Variants in RALYL observed in about 807,000 individuals in gnomAD.
The protein encoded by RALYL is RALY RNA binding protein like.
A neutral mutation model predicts 35.1 loss-of-function variants in RALYL; 29 were observed. The ratio of observed to expected loss-of-function variants is 0.83; its 90% CI spans 0.61 to 1.13. The LOEUF is 1.13. Among genes scored for constraint, RALYL ranks in the 50% most tolerant of loss-of-function variants. The pLI is 0.00. For synonymous variants in RALYL, 120 were observed against 127.6 expected, an observed-to-expected ratio of 0.94 and a Z score of 0.40; for missense variants, 359 against 360.4, an observed-to-expected ratio of 1.00 and a Z score of 0.03.
intron 1 of RALYL, among the ~76,000 whole-genome samples, chr8:84,208,248 A>G (rs1818554554): frequency 6.6e-6 from 1 of 152,208 alleles, no homozygotes; most frequent in African/African-American, 2.4e-5. Flanking sequence ...TAGCACAGAA[A>G]CAAAAATTTT....
chr8:84,515,471 A>G lies in RALYL; in HGVS notation c.-23-13828A>G, dbSNP rs371198499. On this transcript the variant is annotated intron_variant, in intron 1 of 8. Coordinates refer to ENST00000521268, the MANE Select transcript of RALYL (RefSeq NM_173848.7). The stretch of plus-strand genomic sequence containing the variant: ...TATTCCTTTCAATGTGGTTCCTAAA[A>G]TTTGTGAAAAGGCTTAAAATAACAC... Among the ~76,000 whole-genome samples the G allele has an allele frequency of 6.6e-5, 10 of 152,290 alleles. No individual in the cohort carries two copies. In the East Asian group the frequency reaches 1.4e-3, roughly 21 times the overall value.
At chr8:84,299,949 C>CAA (rs1454161866) in intron 1 of RALYL, among the ~76,000 whole-genome samples, 1 of 151,870 alleles carries the variant, frequency 6.6e-6, no homozygotes, top group Non-Finnish European at 1.5e-5. Flanking sequence ...TTTTGTGTCT[C>CAA]AATTACATTC....
At chr8:84,591,845 T>C (rs916099888) in intron 2 of RALYL, among the ~76,000 whole-genome samples, 1 of 152,190 alleles carries the variant, frequency 6.6e-6, no homozygotes, top group Non-Finnish European at 1.5e-5. Context: ...TTTGAAACTA[T>C]AATTTACCTT....
At chr8:84,757,803 T>C (rs1210274377) in intron 2 of RALYL, among the ~76,000 whole-genome samples, 1 of 152,186 alleles carries the variant, frequency 6.6e-6, no homozygotes, top group Non-Finnish European at 1.5e-5. Context: ...TTATTTTCTT[T>C]CTTTAATGAA....
At chr8:84,212,920 T>C (rs530990203) in intron 1 of RALYL, among the ~76,000 whole-genome samples, 4 of 152,308 alleles carry the variant, frequency 2.6e-5, no homozygotes, top group African/African-American at 9.6e-5. Flanking sequence ...AAATAAGTAA[T>C]ACAATAAAAA....
intron 1 of RALYL, among the ~76,000 whole-genome samples, chr8:84,414,635 G>C (rs899462503): frequency 6.6e-6 from 1 of 152,048 alleles, no homozygotes; most frequent in African/African-American, 2.4e-5. Flanking sequence ...TAAAAATTTA[G>C]TTTTTCAAAA....
At chr8:84,302,529 T>C (rs1408379677) in intron 1 of RALYL, among the ~76,000 whole-genome samples, 3 of 152,166 alleles carry the variant, frequency 2.0e-5, no homozygotes, top group Non-Finnish European at 2.9e-5. Flanking sequence ...TTTATTAATT[T>C]GGAAATTTTA....
At chr8:84,632,395 G>C (rs1412987685) in intron 2 of RALYL, among the ~76,000 whole-genome samples, 1 of 151,834 alleles carries the variant, frequency 6.6e-6, no homozygotes, top group Non-Finnish European at 1.5e-5. Flanking sequence ...TATTTGCTAT[G>C]TTTAAAGCAG....
rs1228806262 is a variant in RALYL, at chr8:84,733,236, G to T, written c.257-41343G>T. On this transcript the variant is annotated intron_variant, in intron 2 of 8. Transcript: ENST00000521268. The stretch of plus-strand genomic sequence containing the variant: ...TCAGGAAGCAGATATAGAGCAATAG[G>T]CCCTTCGTTATACTCAGCTTTAGTT... Among the ~76,000 whole-genome samples, 3 of 152,150 alleles carry T rather than the reference G, an allele frequency of 2.0e-5. No homozygotes were observed. The South Asian group carries it at 6.2e-4, about 32-fold the overall frequency.
intron 1 of RALYL, among the ~76,000 whole-genome samples, chr8:84,416,983 TCTTCCTTTTTTC>T (rs1336791000): frequency 1.3e-5 from 2 of 152,192 alleles, no homozygotes; most frequent in Non-Finnish European, 2.9e-5. Context: ...TCTCTTATTT[TCTTCCTTTTTTC>T]CTTCCTTTTC....
intron 2 of RALYL, among the ~76,000 whole-genome samples, chr8:84,581,662 A>G (rs1810869906): frequency 6.6e-6 from 1 of 152,170 alleles, no homozygotes; most frequent in Non-Finnish European, 1.5e-5. Flanking sequence ...CATTACTTGA[A>G]TTCTTGAAGC....
intron 1 of RALYL, among the ~76,000 whole-genome samples, chr8:84,508,685 T>C (rs1424557850): frequency 1.3e-5 from 2 of 152,008 alleles, no homozygotes; most frequent in Non-Finnish European, 2.9e-5. Flanking sequence ...AGATGAATTT[T>C]TCCAAGCGTT....
At chr8:84,455,052 T>C (rs1302392946) in intron 1 of RALYL, among the ~76,000 whole-genome samples, 1 of 152,014 alleles carries the variant, frequency 6.6e-6, no homozygotes, top group East Asian at 1.9e-4. Context: ...TAAAATTCTT[T>C]GCCATGCAAA....
At chr8:84,738,856 C>G (rs915168209) in intron 2 of RALYL, among the ~76,000 whole-genome samples, 1 of 151,964 alleles carries the variant, frequency 6.6e-6, no homozygotes. Context: ...TGAATGTTTG[C>G]AATTTTTGAG....
At chr8:84,629,858 A>G (rs1412359630) in intron 2 of RALYL, among the ~76,000 whole-genome samples, 3 of 152,062 alleles carry the variant, frequency 2.0e-5, no homozygotes, top group Non-Finnish European at 2.9e-5. Context: ...AAAAGGATAT[A>G]TGGTTTTCTA....
intron 1 of RALYL, among the ~76,000 whole-genome samples, chr8:84,386,400 T>G (rs1332411548): frequency 6.6e-6 from 1 of 151,890 alleles, no homozygotes; most frequent in Non-Finnish European, 1.5e-5. Flanking sequence ...GAGGGGAAAT[T>G]TAATTGGTGG....
chr8:84,716,610 T>C (rs372562811), intron 2 of RALYL, among the ~76,000 whole-genome samples: 2 of 152,286 alleles, frequency 1.3e-5, no homozygotes, highest in East Asian at 3.9e-4. Flanking sequence ...ACATAGATGA[T>C]ACACTCAATT....
At chr8:84,500,478 G>T (rs1411668042) in intron 1 of RALYL, among the ~76,000 whole-genome samples, 1 of 152,100 alleles carries the variant, frequency 6.6e-6, no homozygotes, top group East Asian at 1.9e-4. Flanking sequence ...CAATGTCCTA[G>T]TATGAATGGG....
chr8:84,272,237 C>T (rs567774950), intron 1 of RALYL, among the ~76,000 whole-genome samples: 8 of 152,036 alleles, frequency 5.3e-5, no homozygotes, highest in South Asian at 2.1e-4. Flanking sequence ...GGAAAACAGG[C>T]GCCCACCACT....
Sources: allele counts gnomAD v4.1 joint callset (sites outside exome capture counted in the v4.1 genomes callset), GRCh38; gene constraint gnomAD v4.1.1; transcripts MANE v1.5; gene names NCBI Gene and HGNC (gene_info 2026-07-23, HGNC 2026-07-21).